PECR: variants seen among roughly 807,000 people sequenced by gnomAD.
The protein encoded by PECR is 2,4-dienoyl-CoA reductase-related protein.
In PECR, 30 loss-of-function variants were observed where a neutral mutation model predicts 35.3. The observed-to-expected ratio is 0.85, with a 90% confidence interval of 0.64 to 1.15. The LOEUF (loss-of-function observed/expected upper bound fraction) is 1.15. Among genes scored for constraint, PECR ranks in the 50% most tolerant of loss-of-function variants. The pLI, the probability that PECR is intolerant of heterozygous loss-of-function variation, is 0.00. For synonymous variants in PECR, 148 were observed against 138.9 expected (o/e 1.07, Z -0.46); for missense variants, 392 against 370.8 (o/e 1.06, Z -0.47).
At chr2:216,033,701 G>A (rs893187434), downstream of PECR, 3 of 152,420 alleles carry the variant, frequency 2.0e-5, no homozygotes, top group African/African-American at 4.8e-5. Context: ...GAGTGGGGAG[G>A]AGACCTCTGT....
rs554613999 is a variant in PECR at position 216,079,747 on chromosome 2, C to T, written c.124+1871G>A. On this transcript the variant is annotated intron_variant, in intron 1 of 7. Coordinates refer to ENST00000265322, the MANE Select transcript of PECR (RefSeq NM_018441.6). ...CTGTAATCCCAGTACTTTGGGAGGCCGAGGCGGGCGGATCACCTGAGGTCG... is the reference window on the plus strand; with the variant it reads ...CTGTAATCCCAGTACTTTGGGAGGCTGAGGCGGGCGGATCACCTGAGGTCG... 4.0e-5 allele frequency among the ~76,000 whole-genome samples: 6 copies of T among 149,398 alleles called. No individual in the cohort carries two copies. The East Asian group carries it at 1.3e-3, about 31-fold the overall frequency.
rs1378921750 is a variant in PECR, at chr2:216,039,431, CTTG to C, written c.827-74_827-72del. On this transcript the variant is annotated intron_variant, in intron 7 of 7. Transcript: ENST00000265322. ...GCCCTCTTCACTCCCACCAAATCCT[CTTG>C]TTAATTTCCCTGGTTCACACATTTT... The C allele has an allele frequency of 3.5e-6, 3 of 855,882 alleles. No homozygotes were observed. The Admixed American group carries it at 5.1e-5, about 15-fold the overall frequency. 53.0% of individuals were successfully genotyped at this position (855,882 alleles called of 1,614,324 possible). A position where few individuals can be genotyped will look rare whatever the true frequency, so the allele number is the denominator to read the frequency against.
chr2:216,062,207 G>A (rs1278100946), intron 3 of PECR, among the ~76,000 whole-genome samples: 8 of 151,900 alleles, frequency 5.3e-5, no homozygotes, highest in African/African-American at 1.9e-4. Context: ...CACCACTCCC[G>A]GCTAATGTTT....
chr2:216,069,199 C>T (rs1048267867), intron 1 of PECR, among the ~76,000 whole-genome samples: 7 of 152,150 alleles, frequency 4.6e-5, no homozygotes, highest in Non-Finnish European at 7.3e-5. Flanking sequence ...GCTTTTCAAC[C>T]CACAAATCAT....
intron 7 of PECR, among the ~76,000 whole-genome samples, chr2:216,029,302 A>G (rs1694644471): frequency 6.6e-6 from 1 of 151,890 alleles, no homozygotes; most frequent in Non-Finnish European, 1.5e-5. Context: ...ACATGGTGAA[A>G]CCCTGTCTCT....
At chr2:216,048,114 G>A (rs903422668) in intron 6 of PECR, among the ~76,000 whole-genome samples, 5 of 150,390 alleles carry the variant, frequency 3.3e-5, no homozygotes, top group South Asian at 2.1e-4. Flanking sequence ...TTGCTCTGTC[G>A]CCCAGGCTGG....
intron 7 of PECR, chr2:216,033,101 T>C (rs1694735408): frequency 6.6e-6 from 1 of 152,218 alleles, no homozygotes; most frequent in Non-Finnish European, 1.5e-5. Flanking sequence ...TTACCCAAGA[T>C]TGAGAGACTA....
downstream of PECR, among the ~76,000 whole-genome samples, chr2:216,036,525 C>T (rs1054856360): frequency 1.4e-4 from 21 of 152,220 alleles, no homozygotes; most frequent in African/African-American, 4.8e-4. Flanking sequence ...GAGAGAGTTA[C>T]TTTTACACTG....
intron 7 of PECR, among the ~76,000 whole-genome samples, chr2:216,042,051 G>T (rs952334816): frequency 6.6e-6 from 1 of 152,180 alleles, no homozygotes; most frequent in South Asian, 2.1e-4. Flanking sequence ...AGAGGGGGTC[G>T]TGGGAACCCC....
chr2:216,062,024 T>C (rs1304421987), intron 3 of PECR, among the ~76,000 whole-genome samples: 3 of 151,582 alleles, frequency 2.0e-5, no homozygotes, highest in South Asian at 2.1e-4. Context: ...AGAGAGATCA[T>C]GTAAATGGGA....
chr2:216,054,429 A>G (rs1574688246), intron 4 of PECR, among the ~76,000 whole-genome samples: 1 of 131,488 alleles, frequency 7.6e-6, no homozygotes, highest in Non-Finnish European at 1.5e-5. Context: ...TCTACCTCCC[A>G]GATTCAAGTG....
At chr2:216,034,178 C>T (rs142064616), downstream of PECR, 1 of 152,204 alleles carries the variant, frequency 6.6e-6, no homozygotes, top group African/African-American at 2.4e-5. Context: ...GGTGGCACTG[C>T]TTTGAGCCAA....
chr2:216,029,164 T>G (rs1018956594), intron 7 of PECR, among the ~76,000 whole-genome samples: 1 of 152,178 alleles, frequency 6.6e-6, no homozygotes, highest in Non-Finnish European at 1.5e-5. Context: ...TGAAAGCAGC[T>G]TGATGGCAGC....
chr2:216,078,854 A>C (rs1023602272), intron 1 of PECR, among the ~76,000 whole-genome samples: 20 of 151,028 alleles, frequency 1.3e-4, no homozygotes, highest in Admixed American at 3.3e-4. Flanking sequence ...ATGCATATTT[A>C]TGCAACAGGA....
At chr2:216,066,656 T>G (rs1695472313) in intron 1 of PECR, 138 bp from the exon 2 acceptor site, 3 of 768,682 alleles carry the variant, frequency 3.9e-6, no homozygotes, top group Non-Finnish European at 6.8e-6. Flanking sequence ...ATAATAATAT[T>G]GAAAAAATAT....
chr2:216,079,520 A>G (rs1289812173), intron 1 of PECR, among the ~76,000 whole-genome samples: 1 of 151,396 alleles, frequency 6.6e-6, no homozygotes, highest in African/African-American at 2.4e-5. Context: ...GGCACACGCC[A>G]CCATGCCTGG....
chr2:216,035,921 T>C (rs1694786736), downstream of PECR, among the ~76,000 whole-genome samples: 1 of 152,222 alleles, frequency 6.6e-6, no homozygotes, highest in South Asian at 2.1e-4. Flanking sequence ...TGATAATCAC[T>C]CTTCACTTTT....
At chr2:216,031,672 AAAGAAAGAAAGAAAGAAAG>A (rs1261094200) in intron 7 of PECR, among the ~76,000 whole-genome samples, 20 of 76,874 alleles carry the variant, frequency 2.6e-4, no homozygotes, top group African/African-American at 1.0e-3. Context: ...AGAAAGAAAG[AAAGAAAGAAAGAAAGAAAG>A]AGAAAGAAAG....
rs1206395957 is a variant in PECR, at chr2:216,049,371, T to C, written c.606A>G (p.Gly202=). The change falls in exon 6 of 8, where the codon GGA becomes GGG. Residue 202 remains glycine (G), a splice_region_variant and synonymous_variant. Coordinates refer to ENST00000265322, the MANE Select transcript of PECR (RefSeq NM_018441.6). ...SGIRINCVAP[G]VIYSQTAVEN... ...CCACAGCAGTCTGGGAATAAATAAC[T>C]CCCTGTGTTTAAAAATAAAACAGGG... 1.5e-6 allele frequency: 2 copies of C among 1,365,066 alleles called. No individual in the cohort carries two copies. The highest frequency in any genetic ancestry group is 2.1e-6 in the Non-Finnish European group (2 of 953,150). 84.6% of individuals were successfully genotyped at this position (1,365,066 alleles called of 1,614,324 possible).
Sources: allele counts gnomAD v4.1 joint callset (sites outside exome capture counted in the v4.1 genomes callset), GRCh38; gene constraint gnomAD v4.1.1; transcripts MANE v1.5; gene names NCBI Gene and HGNC (gene_info 2026-07-23, HGNC 2026-07-21).